The following DHRSX variants were observed in gnomAD, a reference collection of about 807,000 sequenced individuals.
DHRSX encodes dehydrogenase/reductase X-linked, also known as polyprenol dehydrogenase.
DHRSX carries 31 observed loss-of-function variants against 34.0 expected under a neutral mutation model. The ratio of observed to expected loss-of-function variants is 0.91; its 90% CI spans 0.69 to 1.23. The LOEUF (loss-of-function observed/expected upper bound fraction) is 1.23. Ranked by LOEUF, DHRSX falls within the 50% of genes most tolerant of loss-of-function variation. The pLI, the probability that DHRSX is intolerant of heterozygous loss-of-function variation, is 0.00. For synonymous variants in DHRSX, 201 were observed against 183.8 expected (o/e 1.09, Z -0.76); for missense variants, 414 against 428.1 (o/e 0.97, Z 0.29).
chrX:2,389,621 G>A (rs1222425566), intron 3 of DHRSX, among the ~76,000 whole-genome samples: 3 of 152,088 alleles, frequency 2.0e-5, no homozygotes, highest in Non-Finnish European at 2.9e-5. Flanking sequence ...TGACACACAC[G>A]AGTCACTCAC....
intron 3 of DHRSX, among the ~76,000 whole-genome samples, chrX:2,336,599 GTTTTGT>G (rs1467097412): frequency 1.1e-4 from 16 of 144,058 alleles, no homozygotes; most frequent in African/African-American, 3.8e-4. Flanking sequence ...TTTGTTTTTT[GTTTTGT>G]TTTTTTTTTT....
At chrX:2,327,457 T>G (rs2042400206) in intron 3 of DHRSX, among the ~76,000 whole-genome samples, 1 of 152,148 alleles carries the variant, frequency 6.6e-6, no homozygotes, top group African/African-American at 2.4e-5. Flanking sequence ...GTGCTGCAGG[T>G]GAGCATCACC....
chrX:2,454,117 G>T (rs2317102), intron 1 of DHRSX, among the ~76,000 whole-genome samples: 1 of 152,012 alleles, frequency 6.6e-6, no homozygotes, highest in Admixed American at 6.6e-5. Context: ...TCCCAGTTTC[G>T]AGGACAGCTG....
At chrX:2,270,706 C>G (rs187042838) in intron 4 of DHRSX, among the ~76,000 whole-genome samples, 2 of 152,236 alleles carry the variant, frequency 1.3e-5, no homozygotes, top group Non-Finnish European at 2.9e-5. Flanking sequence ...AAAAAATAAA[C>G]GTGGATGGAG....
intron 3 of DHRSX, among the ~76,000 whole-genome samples, chrX:2,400,635 T>C (rs1317330456): frequency 5.9e-5 from 9 of 152,196 alleles, no homozygotes; most frequent in Non-Finnish European, 1.3e-4. Flanking sequence ...CACAAAGCTC[T>C]GATTTTAGCA....
chrX:2,329,035 TAATG>T (rs921578793), intron 3 of DHRSX, among the ~76,000 whole-genome samples: 1 of 152,184 alleles, frequency 6.6e-6, no homozygotes, highest in Non-Finnish European at 1.5e-5. Context: ...AATTGCCCTT[TAATG>T]AAGAAATAAA....
intron 3 of DHRSX, among the ~76,000 whole-genome samples, chrX:2,368,667 T>A (rs1413788346): frequency 6.6e-6 from 1 of 152,098 alleles, no homozygotes; most frequent in Non-Finnish European, 1.5e-5. Flanking sequence ...CTGGCCAACA[T>A]GTCAAAACCC....
intron 1 of DHRSX, among the ~76,000 whole-genome samples, chrX:2,467,078 A>C (rs368861345): frequency 1.8e-3 from 174 of 95,324 alleles, no homozygotes; most frequent in African/African-American, 0.011. Flanking sequence ...AAAAAAAAAA[A>C]AAAACGCTAC....
intron 3 of DHRSX, among the ~76,000 whole-genome samples, chrX:2,371,581 A>C (rs1332155005): frequency 1.1e-4 from 15 of 137,900 alleles, no homozygotes; most frequent in African/African-American, 3.3e-4. Context: ...TTACCATAGT[A>C]CCTCCTCCCA....
intron 3 of DHRSX, among the ~76,000 whole-genome samples, chrX:2,300,866 C>CTGAGT (rs923258394): frequency 5.9e-5 from 9 of 152,098 alleles, no homozygotes; most frequent in African/African-American, 2.2e-4. Context: ...ACCCTGCTGC[C>CTGAGT]TGAGTTGATA....
intron 3 of DHRSX, among the ~76,000 whole-genome samples, chrX:2,331,337 C>T (rs1054565590): frequency 6.6e-6 from 1 of 151,544 alleles, no homozygotes; most frequent in African/African-American, 2.4e-5. Flanking sequence ...TTCACTTTTT[C>T]CCGATTTCTG....
At chrX:2,352,479 A>G (rs1476959226) in intron 3 of DHRSX, among the ~76,000 whole-genome samples, 1 of 152,082 alleles carries the variant, frequency 6.6e-6, no homozygotes, top group Admixed American at 6.6e-5. Context: ...AGGGCCTGGG[A>G]GCTTACGGGT....
intron 3 of DHRSX, among the ~76,000 whole-genome samples, chrX:2,380,764 CAA>C (rs2043193508): frequency 6.6e-6 from 1 of 152,214 alleles, no homozygotes; most frequent in Non-Finnish European, 1.5e-5. Context: ...CACGTAAACT[CAA>C]AGACTCAAGG....
chrX:2,417,781 T>G (rs758077960), intron 2 of DHRSX, among the ~76,000 whole-genome samples: 7 of 152,226 alleles, frequency 4.6e-5, no homozygotes, highest in Non-Finnish European at 1.0e-4. Flanking sequence ...CACCTCATAA[T>G]GATCTAACTC....
At chrX:2,442,407 T>A (rs915738005) in intron 1 of DHRSX, among the ~76,000 whole-genome samples, 1 of 151,646 alleles carries the variant, frequency 6.6e-6, no homozygotes, top group Non-Finnish European at 1.5e-5. Context: ...TATATTATAA[T>A]ATATATGATA....
rs557320655 is a variant in DHRSX, at chrX:2,455,127, G to A, written c.110-29823C>T. 4.1e-5 allele frequency among the ~76,000 whole-genome samples: 6 copies of A among 145,176 alleles called. 1 individual carries two copies. Among genetic ancestry groups the A allele is most frequent in the East Asian group, 2.0e-4 (1 of 5,114 alleles). ...AACCCCATCTCAAAAAAAAAAAAAC[G>A]GGATGATGTCCTTTGCAGGAACCTG... On this transcript the variant is annotated intron_variant, in intron 1 of 6. Coordinates refer to ENST00000334651, the MANE Select transcript of DHRSX (RefSeq NM_145177.3).
At chrX:2,493,972 C>G (rs934119026) in intron 1 of DHRSX, among the ~76,000 whole-genome samples, 5 of 143,080 alleles carry the variant, frequency 3.5e-5, no homozygotes, top group Admixed American at 3.4e-4. Flanking sequence ...AACTCCGTCT[C>G]AAAGAAAGAA....
intron 3 of DHRSX, among the ~76,000 whole-genome samples, chrX:2,377,900 G>A (rs1339631887): frequency 9.2e-5 from 14 of 152,044 alleles, no homozygotes; most frequent in Admixed American, 7.9e-4. Context: ...CACCACACCC[G>A]GCTAATTTTT....
intron 2 of DHRSX, among the ~76,000 whole-genome samples, chrX:2,421,063 G>A (rs1041970058): frequency 6.6e-6 from 1 of 151,978 alleles, no homozygotes; most frequent in Non-Finnish European, 1.5e-5. Flanking sequence ...TATGAGGAAT[G>A]GAACTGCGTG....
Sources: gnomAD v4.1 joint callset for allele counts (sites outside exome capture counted in the v4.1 genomes callset) on GRCh38, gnomAD v4.1.1 for gene constraint, MANE v1.5 for transcripts, NCBI Gene and HGNC (gene_info 2026-07-23, HGNC 2026-07-21) for gene names.